RBPJ: variants seen among roughly 807,000 people sequenced by gnomAD.
RBPJ encodes the protein recombination signal binding protein for immunoglobulin kappa J region, also known as recombining binding protein suppressor of hairless.
Under a neutral mutation model 67.8 loss-of-function variants are expected in RBPJ, and 9 were observed. That is an observed-to-expected ratio of 0.13 (90% CI 0.08 to 0.23). The LOEUF (loss-of-function observed/expected upper bound fraction) is 0.23, where lower values mean the gene tolerates loss of function less well. Among genes scored for constraint, RBPJ ranks in the 10% least tolerant of loss-of-function variants. The pLI is 1.00. For missense variants in RBPJ, 305 were observed against 595.6 expected (o/e 0.51, Z 5.08); for synonymous variants, 198 against 203.3 (o/e 0.97, Z 0.22).
upstream of RBPJ, among the ~76,000 whole-genome samples, chr4:26,162,949 C>T (rs928995737): frequency 7.2e-5 from 11 of 152,128 alleles, no homozygotes; most frequent in African/African-American, 2.4e-4. Flanking sequence ...AGTCTCTGCT[C>T]AAGAGGTTAA....
chr4:26,270,795 G>C (rs1720893056), intron 1 of RBPJ, among the ~76,000 whole-genome samples: 1 of 152,086 alleles, frequency 6.6e-6, no homozygotes, highest in Admixed American at 6.6e-5. Context: ...TAGACAGCTT[G>C]ACAAGAGACA....
chr4:26,114,135 A>G, the RBPJ span, among the ~76,000 whole-genome samples: 1 of 152,168 alleles, frequency 6.6e-6, no homozygotes, highest in Non-Finnish European at 1.5e-5. Flanking sequence ...TAGAATCTGA[A>G]GCATATAAAA....
At chr4:26,332,359 A>G (rs1724352417) in intron 1 of RBPJ, among the ~76,000 whole-genome samples, 1 of 152,198 alleles carries the variant, frequency 6.6e-6, no homozygotes, top group Non-Finnish European at 1.5e-5. Context: ...ATTTACTTAA[A>G]CAGCAGTTTC....
At chr4:26,396,924 G>T (rs1732176348) in intron 2 of RBPJ, among the ~76,000 whole-genome samples, 1 of 152,154 alleles carries the variant, frequency 6.6e-6, no homozygotes, top group Admixed American at 6.5e-5. Context: ...GTTTTATTGT[G>T]TTACAAGGGC....
chr4:26,306,084 C>T (rs1722229558), intron 1 of RBPJ, among the ~76,000 whole-genome samples: 1 of 151,984 alleles, frequency 6.6e-6, no homozygotes, highest in South Asian at 2.1e-4. Flanking sequence ...CGCACCTGGG[C>T]GAGTTCTTAA....
chr4:26,259,203 A>C (rs1025410056), intron 1 of RBPJ, among the ~76,000 whole-genome samples: 8 of 152,148 alleles, frequency 5.3e-5, no homozygotes, highest in African/African-American at 1.9e-4. Context: ...CTCTTGCAAA[A>C]TTTCCTTCAT....
At chr4:26,222,125 A>G (rs1718929861) in intron 1 of RBPJ, among the ~76,000 whole-genome samples, 1 of 152,220 alleles carries the variant, frequency 6.6e-6, no homozygotes, top group Non-Finnish European at 1.5e-5. Flanking sequence ...ATCTCAGGAC[A>G]TGTTGTAAAA....
At chr4:26,290,761 T>G (rs773798006) in intron 1 of RBPJ, among the ~76,000 whole-genome samples, 1 of 150,884 alleles carries the variant, frequency 6.6e-6, no homozygotes, top group Non-Finnish European at 1.5e-5. Context: ...AATTACACCC[T>G]AAATATTCCT....
At chr4:26,358,145 T>C (rs184272781) in intron 1 of RBPJ, among the ~76,000 whole-genome samples, 2 of 152,104 alleles carry the variant, frequency 1.3e-5, no homozygotes, top group East Asian at 3.9e-4. Flanking sequence ...TGCACTCTTA[T>C]ATAGATCCAT....
intron 1 of RBPJ, among the ~76,000 whole-genome samples, chr4:26,207,329 T>TTG (rs1250775793): frequency 2.3e-4 from 33 of 141,292 alleles, no homozygotes; most frequent in Admixed American, 7.3e-4. Flanking sequence ...ACAGTGTCTT[T>TTG]TGTGTGTGTG....
At chr4:26,160,265 C>T (rs1512098), upstream of RBPJ, among the ~76,000 whole-genome samples, 146,819 of 152,284 alleles carry the variant, frequency 0.96, 71,004 homozygotes, top group East Asian at 1. Flanking sequence ...CACACATCAC[C>T]TGCAATTCAT....
upstream of RBPJ, among the ~76,000 whole-genome samples, chr4:26,160,004 C>T (rs564382309): frequency 5.9e-5 from 9 of 152,090 alleles, no homozygotes; most frequent in East Asian, 5.8e-4. Flanking sequence ...CTGCAAACTC[C>T]GCTTCCCGAG....
At chr4:26,167,068 G>A (rs932077192) in intron 1 of RBPJ, among the ~76,000 whole-genome samples, 7 of 151,962 alleles carry the variant, frequency 4.6e-5, no homozygotes, top group Non-Finnish European at 8.8e-5. Context: ...CTGTTCCATC[G>A]ATCTATAGCT....
chr4:26,234,225 CT>C (rs112443603), intron 1 of RBPJ, among the ~76,000 whole-genome samples: 8 of 151,218 alleles, frequency 5.3e-5, no homozygotes, highest in African/African-American at 1.9e-4. Context: ...TACTACTGTA[CT>C]TTTTCCTTCA....
intron 1 of RBPJ, among the ~76,000 whole-genome samples, chr4:26,323,333 C>T (rs891252874): frequency 2.0e-5 from 3 of 152,092 alleles, no homozygotes; most frequent in Non-Finnish European, 4.4e-5. Flanking sequence ...GTATTTTGCT[C>T]TGACTTGTAC....
At chr4:26,270,804 C>T (rs566245175) in intron 1 of RBPJ, among the ~76,000 whole-genome samples, 4 of 151,972 alleles carry the variant, frequency 2.6e-5, no homozygotes, top group Admixed American at 1.3e-4. Context: ...TGACAAGAGA[C>T]AAGATATACA....
At chr4:26,286,982 T>G (rs142615745) in intron 1 of RBPJ, among the ~76,000 whole-genome samples, 2 of 152,178 alleles carry the variant, frequency 1.3e-5, no homozygotes, top group Non-Finnish European at 2.9e-5. Flanking sequence ...AGACGGGGTT[T>G]CTCCATGTTG....
intron 1 of RBPJ, among the ~76,000 whole-genome samples, chr4:26,297,658 CTTGAAG>C (rs1280072939): frequency 6.6e-6 from 1 of 151,522 alleles, no homozygotes; most frequent in East Asian, 1.9e-4. Flanking sequence ...AGTTGAAAAA[CTTGAAG>C]TTGAAACCAG....
chr4:26,364,388 T>C (rs1728384336), intron 1 of RBPJ, among the ~76,000 whole-genome samples: 1 of 152,238 alleles, frequency 6.6e-6, no homozygotes, highest in South Asian at 2.1e-4. Context: ...GACAGAATAG[T>C]ATCCACCCTC....
Sources: gnomAD v4.1 joint callset for allele counts (sites outside exome capture counted in the v4.1 genomes callset) on GRCh38, gnomAD v4.1.1 for gene constraint, MANE v1.5 for transcripts, NCBI Gene and HGNC (gene_info 2026-07-23, HGNC 2026-07-21) for gene names.